The following GBX1 variants were observed in gnomAD, a reference collection of about 807,000 sequenced individuals.
The protein encoded by GBX1 is homeobox protein GBX-1.
GBX1 carries 9 observed loss-of-function variants against 22.9 expected under a neutral mutation model. The observed-to-expected ratio is 0.39, with a 90% CI of 0.24 to 0.69. GBX1 has a LOEUF of 0.69. GBX1 is among the 30% of genes least tolerant of loss of function. The pLI, the probability that GBX1 is intolerant of heterozygous loss-of-function variation, is 0.43. For missense variants in GBX1, 494 were observed against 509.2 expected, an observed-to-expected ratio of 0.97 and a Z score of 0.29; for synonymous variants, 203 against 227.3, an observed-to-expected ratio of 0.89 and a Z score of 0.96.
chr7:151,162,991 A>G (rs1457792812), intron 1 of GBX1, among the ~76,000 whole-genome samples: 1 of 151,982 alleles, frequency 6.6e-6, no homozygotes, highest in Non-Finnish European at 1.5e-5. Flanking sequence ...TTTTTAGTAG[A>G]GATGGGGTTT....
intron 1 of GBX1, among the ~76,000 whole-genome samples, chr7:151,162,182 C>T (rs1234964671): frequency 6.6e-6 from 1 of 152,190 alleles, no homozygotes; most frequent in Admixed American, 6.5e-5. Flanking sequence ...TGACTGTATG[C>T]TCAAAAGTTC....
intron 1 of GBX1, among the ~76,000 whole-genome samples, chr7:151,164,848 C>T (rs1196031610): frequency 7.8e-6 from 1 of 127,690 alleles, no homozygotes; most frequent in Non-Finnish European, 1.6e-5. Context: ...ATATAAATTC[C>T]AGTTTCCCCT....
rs1217243474 is a variant in GBX1, at chr7:151,148,315, TCA to T, written c.*272_*273del. Among the ~76,000 whole-genome samples the T allele has an allele frequency of 6.6e-6, 1 of 151,068 alleles. No individual in the cohort carries two copies. Among genetic ancestry groups the T allele is most frequent in the African/African-American group, 2.4e-5 (1 of 41,124 alleles). Reference sequence around the variant, plus strand: ...CCCACCCCCTCCCCAGGAGTCCACCTCAGTCCCAACAGCTCCTCAGCAATAGA... The same window carrying T: ...CCCACCCCCTCCCCAGGAGTCCACCTGTCCCAACAGCTCCTCAGCAATAGA... On this transcript the variant is annotated 3_prime_UTR_variant, in exon 2 of 2. Transcript: ENST00000297537. This position sits in a 1 kb window ranked among gnomAD's most constrained non-coding sequence, Gnocchi z 5.1.
chr7:151,163,718 G>A (rs1033450562), intron 1 of GBX1, among the ~76,000 whole-genome samples: 13 of 152,052 alleles, frequency 8.5e-5, no homozygotes, highest in Admixed American at 5.9e-4. Context: ...TATATGGCTT[G>A]CATATATCTC....
At position 151,154,207 on chromosome 7, in the gene GBX1, G is replaced by GA. The variant is rs998061705; in HGVS notation, c.539-5066dup. Among the ~76,000 whole-genome samples the GA allele has an allele frequency of 3.7e-4, 55 of 147,508 alleles. 1 individual carries two copies. In the East Asian group the frequency reaches 5.3e-3, roughly 14 times the overall value. On this transcript the variant is annotated intron_variant, in intron 1 of 1. Transcript: ENST00000297537. The stretch of plus-strand genomic sequence containing the variant: ...GCCTGGGCGACAGAGTCTCTGTCTC[G>GA]AAAAAAAAAAGTAAATTTCCAATTG...
intron 1 of GBX1, among the ~76,000 whole-genome samples, chr7:151,158,785 C>G (rs1010889637): frequency 3.3e-5 from 5 of 152,130 alleles, no homozygotes; most frequent in Admixed American, 3.3e-4. Context: ...AACTTAATTC[C>G]CAGGAAAGCG....
chr7:151,154,430 A>G (rs1261427153), intron 1 of GBX1, among the ~76,000 whole-genome samples: 2 of 152,248 alleles, frequency 1.3e-5, no homozygotes, highest in Non-Finnish European at 2.9e-5. Flanking sequence ...CTAGGTAAGT[A>G]GGCCAAACAG....
At chr7:151,155,668 T>C (rs900774948) in intron 1 of GBX1, among the ~76,000 whole-genome samples, 1 of 152,162 alleles carries the variant, frequency 6.6e-6, no homozygotes, top group Non-Finnish European at 1.5e-5. Flanking sequence ...TTCAGGGCAA[T>C]TTCCCACCAT....
intron 1 of GBX1, among the ~76,000 whole-genome samples, chr7:151,150,249 CAT>C (rs1004129051): frequency 3.3e-5 from 5 of 152,238 alleles, no homozygotes; most frequent in South Asian, 2.1e-4. Flanking sequence ...ATGCATTACA[CAT>C]GTTTTCAGTG....
At chr7:151,155,100 G>A (rs976153699) in intron 1 of GBX1, among the ~76,000 whole-genome samples, 2 of 152,188 alleles carry the variant, frequency 1.3e-5, no homozygotes, top group Admixed American at 6.5e-5. Context: ...TAGAAGAGAA[G>A]CCCCTCAGTT....
Position 151,167,690 on chromosome 7 carries a change from A to T in GBX1, c.-142T>A. ...TGGCGGCGGGGCGCGGGCTCGGCGCAGTGTGGCTCCGGCGCCGCGCTCCCT... is the reference window on the plus strand; with the variant it reads ...TGGCGGCGGGGCGCGGGCTCGGCGCTGTGTGGCTCCGGCGCCGCGCTCCCT... On this transcript the variant is annotated 5_prime_UTR_variant, in exon 1 of 2. Transcript: ENST00000297537. This position sits in a 1 kb window ranked among gnomAD's most constrained non-coding sequence, Gnocchi z 5.9. The T allele has an allele frequency of 2.4e-6, 2 of 850,332 alleles. No homozygotes were observed. The highest frequency in any genetic ancestry group is 2.9e-6 in the Non-Finnish European group (2 of 685,628). The allele number at this position is 850,332 out of a possible 1,614,324, so 52.7% of individuals were successfully genotyped here.
At chr7:151,154,991 C>A (rs1801118327) in intron 1 of GBX1, among the ~76,000 whole-genome samples, 1 of 152,216 alleles carries the variant, frequency 6.6e-6, no homozygotes, top group Non-Finnish European at 1.5e-5. Flanking sequence ...ATGCTCCCAA[C>A]TACAGGAATT....
At chr7:151,161,730 T>G (rs1389412742) in intron 1 of GBX1, among the ~76,000 whole-genome samples, 1 of 152,222 alleles carries the variant, frequency 6.6e-6, no homozygotes, top group Non-Finnish European at 1.5e-5. Flanking sequence ...ACAACTATGA[T>G]TTTTGGCCTA....
chr7:151,150,460 A>T (rs989091585), intron 1 of GBX1, among the ~76,000 whole-genome samples: 1 of 152,206 alleles, frequency 6.6e-6, no homozygotes, highest in African/African-American at 2.4e-5. Context: ...TATCGGCCAC[A>T]TATCAGATAT....
At chr7:151,153,574 C>T (rs1359964201) in intron 1 of GBX1, among the ~76,000 whole-genome samples, 6 of 150,318 alleles carry the variant, frequency 4.0e-5, no homozygotes, top group African/African-American at 1.2e-4. Context: ...CTGAGACAGG[C>T]GCTCGCTCTG....
rs1174561752 is a variant in GBX1 at position 151,166,482 on chromosome 7, C to G, written c.538+529G>C. Among the ~76,000 whole-genome samples, 29 of 125,056 alleles carry G rather than the reference C, an allele frequency of 2.3e-4. 1 individual carries two copies. The highest frequency in any genetic ancestry group is 1.9e-3 in the Admixed American group (26 of 13,630). The allele number at this position is 125,056 out of a possible 152,430, so 82.0% of individuals were successfully genotyped here. ...CACGGCTTTGAGACGCAACCCCCCC[C>G]CCCCAACACACACACACACACACAC... On this transcript the variant is annotated intron_variant, in intron 1 of 1. Transcript: ENST00000297537.
At chr7:151,149,833 C>A (rs1801057970) in intron 1 of GBX1, 3 of 442,878 alleles carry the variant, frequency 6.8e-6, no homozygotes, top group Non-Finnish European at 1.4e-5. Context: ...TTGAGTGTGG[C>A]CAGATTTTTT....
At chr7:151,165,483 T>C (rs1198878213) in intron 1 of GBX1, among the ~76,000 whole-genome samples, 3 of 152,254 alleles carry the variant, frequency 2.0e-5, no homozygotes, top group East Asian at 1.9e-4. Flanking sequence ...TCTTACTCTT[T>C]TTTCTGCCTT....
intron 1 of GBX1, among the ~76,000 whole-genome samples, chr7:151,161,241 G>A (rs1001182716): frequency 2.0e-5 from 3 of 151,924 alleles, no homozygotes; most frequent in African/African-American, 7.3e-5. Flanking sequence ...TCCCAGTATA[G>A]TCTACTCATG....
Sources: gnomAD v4.1 joint callset for allele counts (sites outside exome capture counted in the v4.1 genomes callset) on GRCh38, gnomAD v4.1.1 for gene constraint, Gnocchi (gnomAD v3.1) non-coding constraint, MANE v1.5 for transcripts, NCBI Gene and HGNC (gene_info 2026-07-23, HGNC 2026-07-21) for gene names.